ATF7IP: variants seen among roughly 807,000 people sequenced by gnomAD.
ATF7IP encodes the protein activating transcription factor 7 interacting protein, also known as activating transcription factor 7-interacting protein 1.
A neutral mutation model predicts 106.4 loss-of-function variants in ATF7IP; 23 were observed. The observed-to-expected ratio is 0.22, with a 90% CI of 0.16 to 0.31. The LOEUF is 0.31. ATF7IP is among the 10% of genes least tolerant of loss of function. The pLI is 1.00. For synonymous variants in ATF7IP, 542 were observed against 539.0 expected, an observed-to-expected ratio of 1.01 and a Z score of -0.08; for missense variants, 1,334 against 1,524.3, an observed-to-expected ratio of 0.88 and a Z score of 2.08.
chr12:14,484,126 T>C (rs575625094), intron 13 of ATF7IP, among the ~76,000 whole-genome samples: 1 of 152,246 alleles, frequency 6.6e-6, no homozygotes, highest in East Asian at 1.9e-4. Context: ...AATGGCGTGC[T>C]GTATCGAGGG....
intron 1 of ATF7IP, among the ~76,000 whole-genome samples, chr12:14,388,860 G>A (rs902890188): frequency 4.6e-5 from 7 of 152,044 alleles, no homozygotes; most frequent in Admixed American, 2.0e-4. Flanking sequence ...AGCTGGTCTC[G>A]AACTCCTGGC....
intron 1 of ATF7IP, among the ~76,000 whole-genome samples, chr12:14,410,813 G>T (rs1317684279): frequency 6.6e-6 from 1 of 152,076 alleles, no homozygotes; most frequent in East Asian, 1.9e-4. Context: ...CCAGTTTCAG[G>T]CATTCAGTGG....
intron 13 of ATF7IP, among the ~76,000 whole-genome samples, chr12:14,487,539 T>TGGATCAGGGAGGGTAC (rs1445662841): frequency 1.3e-5 from 2 of 152,202 alleles, no homozygotes; most frequent in Non-Finnish European, 2.9e-5. Flanking sequence ...GATGGCAGCA[T>TGGATCAGGGAGGGTAC]GGATCAGGGA....
chr12:14,497,428 A>G (rs1290490178), intron 14 of ATF7IP, among the ~76,000 whole-genome samples: 1 of 152,186 alleles, frequency 6.6e-6, no homozygotes, highest in Non-Finnish European at 1.5e-5. Context: ...AAAATATTTT[A>G]GGTCTAGGAA....
At chr12:14,475,038 T>C (rs866713297) in intron 10 of ATF7IP, among the ~76,000 whole-genome samples, 4 of 152,230 alleles carry the variant, frequency 2.6e-5, no homozygotes, top group Non-Finnish European at 1.5e-5. Flanking sequence ...TTTTCTTTAA[T>C]TTCTCAACTT....
intron 2 of ATF7IP, among the ~76,000 whole-genome samples, chr12:14,431,442 T>TG (rs1942127933): frequency 1.3e-5 from 2 of 151,636 alleles, no homozygotes; most frequent in South Asian, 4.2e-4. Context: ...TCACCCAGGC[T>TG]GGAGTGCAGT....
At chr12:14,445,420 T>A (rs571137098) in intron 5 of ATF7IP, among the ~76,000 whole-genome samples, 1 of 151,994 alleles carries the variant, frequency 6.6e-6, no homozygotes, top group Admixed American at 6.5e-5. Context: ...GAGTCTCGCT[T>A]TGTCACCCAT....
rs974619326 is a variant in ATF7IP at position 14,499,997 on chromosome 12, A to G, written c.*1924A>G. 4 of 152,150 alleles carry G rather than the reference A, an allele frequency of 2.6e-5. No individual in the cohort carries two copies. The highest frequency in any genetic ancestry group is 9.7e-5 in the African/African-American group (4 of 41,438). The allele number at this position is 152,150 out of a possible 1,614,324, so 9.4% of individuals were successfully genotyped here. Reference sequence around the variant, plus strand: ...TGTCAGGTAGGTGTTTTGGGTGTAGATAATTTAGGACTGGAGGGCTGAGTT... The same window carrying G: ...TGTCAGGTAGGTGTTTTGGGTGTAGGTAATTTAGGACTGGAGGGCTGAGTT... On this transcript the variant is annotated 3_prime_UTR_variant, in exon 15 of 15. Transcript: ENST00000261168.
At chr12:14,444,091 C>T (rs371952115) in intron 5 of ATF7IP, among the ~76,000 whole-genome samples, 8 of 152,064 alleles carry the variant, frequency 5.3e-5, no homozygotes, top group African/African-American at 1.2e-4. Flanking sequence ...TCATAATACT[C>T]GGAATTTCAA....
At chr12:14,473,781 A>G (rs1431482042) in intron 10 of ATF7IP, among the ~76,000 whole-genome samples, 1 of 151,028 alleles carries the variant, frequency 6.6e-6, no homozygotes, top group Non-Finnish European at 1.5e-5. Context: ...CAAGGAGAGC[A>G]TCATTGGATA....
chr12:14,440,901 C>G (rs1314820726), intron 5 of ATF7IP, among the ~76,000 whole-genome samples: 4 of 152,172 alleles, frequency 2.6e-5, no homozygotes, highest in Non-Finnish European at 5.9e-5. Flanking sequence ...TAGCATGTAT[C>G]AGTACTTCAT....
intron 1 of ATF7IP, among the ~76,000 whole-genome samples, chr12:14,397,327 G>C (rs1939907215): frequency 6.6e-6 from 1 of 152,168 alleles, no homozygotes; most frequent in African/African-American, 2.4e-5. Context: ...TTTTAAGAAA[G>C]AAAATGTATT....
intron 1 of ATF7IP, chr12:14,423,655 G>GAA (rs139010573): frequency 1.0e-4 from 20 of 196,844 alleles, no homozygotes; most frequent in African/African-American, 3.3e-4. Flanking sequence ...TTCCATATTG[G>GAA]AAAAAAAAAC....
chr12:14,404,470 T>TA (rs1255133078), intron 1 of ATF7IP, among the ~76,000 whole-genome samples: 4 of 152,204 alleles, frequency 2.6e-5, no homozygotes, highest in African/African-American at 9.6e-5. Flanking sequence ...TACACTTTAT[T>TA]AAAATGTTAT....
intron 10 of ATF7IP, among the ~76,000 whole-genome samples, chr12:14,470,315 C>T (rs925733152): frequency 2.6e-5 from 4 of 152,066 alleles, no homozygotes; most frequent in Non-Finnish European, 5.9e-5. Context: ...TGAGACTGGT[C>T]GTTTTGGAAA....
At chr12:14,497,015 G>A (rs539350264) in intron 14 of ATF7IP, among the ~76,000 whole-genome samples, 1 of 152,082 alleles carries the variant, frequency 6.6e-6, no homozygotes, top group Non-Finnish European at 1.5e-5. Context: ...GTTAATACTT[G>A]TTCTTGTCCA....
intron 1 of ATF7IP, among the ~76,000 whole-genome samples, chr12:14,405,590 T>A (rs1940533616): frequency 6.6e-6 from 1 of 151,572 alleles, no homozygotes; most frequent in Admixed American, 6.6e-5. Flanking sequence ...AATTTTTAAA[T>A]TTTTTTTGTT....
rs185845826 is a variant in ATF7IP at position 14,385,860 on chromosome 12, A to G, written c.-8+20033A>G. ...GCTTTTTGGAAAGAAGGGTAATTAT[A>G]TAAATCATGAAAAAAAATTTTTAAT... On this transcript the variant is annotated intron_variant, in intron 1 of 14. Coordinates refer to ENST00000261168, the MANE Select transcript of ATF7IP (RefSeq NM_018179.5). Among the ~76,000 whole-genome samples the G allele has an allele frequency of 1.3e-3, 202 of 152,124 alleles. 1 individual carries two copies. The highest frequency in any genetic ancestry group is 4.7e-3 in the African/African-American group (196 of 41,474).
At chr12:14,406,721 A>G (rs149984070) in intron 1 of ATF7IP, among the ~76,000 whole-genome samples, 2,284 of 147,170 alleles carry the variant, frequency 0.016, 28 homozygotes, top group Non-Finnish European at 0.024. Flanking sequence ...CTGTAGTGCA[A>G]TGGCATGATC....
Sources: allele counts gnomAD v4.1 joint callset (sites outside exome capture counted in the v4.1 genomes callset), GRCh38; gene constraint gnomAD v4.1.1; transcripts MANE v1.5; gene names NCBI Gene and HGNC (gene_info 2026-07-23, HGNC 2026-07-21).